Variants in NPR3 observed in about 807,000 individuals in gnomAD.
NPR3 encodes atrial natriuretic peptide receptor 3.
NPR3 carries 34 observed loss-of-function variants against 54.5 expected under a neutral mutation model. The observed-to-expected ratio is 0.62, with a 90% CI of 0.47 to 0.83. The LOEUF (loss-of-function observed/expected upper bound fraction) is 0.83. NPR3 is among the 40% of genes least tolerant of loss of function. The pLI, the probability that NPR3 is intolerant of heterozygous loss-of-function variation, is 0.00. For synonymous variants in NPR3, 289 were observed against 297.1 expected (o/e 0.97, Z 0.28); for missense variants, 674 against 720.8 (o/e 0.94, Z 0.74).
At chr5:32,720,733 C>T (rs1287889415) in intron 1 of NPR3, among the ~76,000 whole-genome samples, 1 of 152,078 alleles carries the variant, frequency 6.6e-6, no homozygotes, top group Non-Finnish European at 1.5e-5. Context: ...CTTAATTAAC[C>T]TCCACTTATG....
At chr5:32,714,509 T>C (rs1458522943) in intron 1 of NPR3, among the ~76,000 whole-genome samples, 1 of 151,914 alleles carries the variant, frequency 6.6e-6, no homozygotes, top group Non-Finnish European at 1.5e-5. Context: ...TCTTTGCTTT[T>C]TTTTTTTTTT....
intron 3 of NPR3, among the ~76,000 whole-genome samples, chr5:32,764,090 C>T (rs987162738): frequency 5.9e-5 from 9 of 152,180 alleles, no homozygotes; most frequent in Admixed American, 1.3e-4. Context: ...AACTCTCTTC[C>T]GCACAGAGGG....
intron 1 of NPR3, among the ~76,000 whole-genome samples, chr5:32,701,843 C>A (rs1737810405): frequency 6.6e-6 from 1 of 152,210 alleles, no homozygotes; most frequent in Non-Finnish European, 1.5e-5. Flanking sequence ...GGCAGAGACT[C>A]TTCTTCTCTT....
At chr5:32,719,122 T>A (rs1223665863) in intron 1 of NPR3, among the ~76,000 whole-genome samples, 1 of 152,220 alleles carries the variant, frequency 6.6e-6, no homozygotes, top group African/African-American at 2.4e-5. Flanking sequence ...ATGCAGTTTT[T>A]GTTGTTGGTT....
chr5:32,748,050 G>A (rs551793456), intron 3 of NPR3, among the ~76,000 whole-genome samples: 9 of 152,078 alleles, frequency 5.9e-5, no homozygotes, highest in Admixed American at 2.6e-4. Context: ...CATCATGCCC[G>A]GCAGGAAAAT....
intron 6 of NPR3, among the ~76,000 whole-genome samples, chr5:32,783,918 G>A (rs1465820863): frequency 2.0e-5 from 3 of 152,286 alleles, no homozygotes; most frequent in Non-Finnish European, 2.9e-5. Flanking sequence ...GAAGGGCCGC[G>A]TACTAAACTC....
At chr5:32,774,570 T>G (rs890989737) in intron 3 of NPR3, 138 bp from the exon 4 acceptor site, 1 of 694,500 alleles carries the variant, frequency 1.4e-6, no homozygotes, top group African/African-American at 1.8e-5. Flanking sequence ...GCGTGATTCT[T>G]GTCAGTACCC....
rs541154363 is a variant in NPR3, at chr5:32,761,415, T to C, written c.1060-13293T>C. The stretch of plus-strand genomic sequence containing the variant: ...CATTTCTGATTTTTAAAAAAAATAA[T>C]TTTTTGTCTTTTGCTGCTATTGGAC... On this transcript the variant is annotated intron_variant, in intron 3 of 7. Transcript: ENST00000265074. Among the ~76,000 whole-genome samples the C allele has an allele frequency of 1.2e-4, 18 of 152,274 alleles. No homozygotes were observed. In the South Asian group the frequency reaches 3.5e-3, roughly 30 times the overall value.
At chr5:32,695,430 G>A (rs1229538562) in intron 1 of NPR3, among the ~76,000 whole-genome samples, 2 of 151,918 alleles carry the variant, frequency 1.3e-5, no homozygotes, top group African/African-American at 2.4e-5. Flanking sequence ...ACGCCCGCCC[G>A]GCTAATTTTT....
chr5:32,715,767 T>G (rs1461344813), intron 1 of NPR3, among the ~76,000 whole-genome samples: 1 of 152,248 alleles, frequency 6.6e-6, no homozygotes, highest in African/African-American at 2.4e-5. Context: ...GCACTTTATA[T>G]GATGCAGAAC....
chr5:32,783,805 C>T (rs1239532874), intron 6 of NPR3, among the ~76,000 whole-genome samples: 2 of 152,136 alleles, frequency 1.3e-5, no homozygotes, highest in East Asian at 1.9e-4. Context: ...AGGAGTCTTC[C>T]TTCAGCTTTT....
At chr5:32,691,378 G>A (rs530027048) in intron 1 of NPR3, among the ~76,000 whole-genome samples, 26 of 152,334 alleles carry the variant, frequency 1.7e-4, no homozygotes, top group South Asian at 1.0e-3. Context: ...ATTATTCAAT[G>A]TATCACATGC....
At chr5:32,710,894 A>ATGTGTG (rs34939454), upstream of NPR3, 16,535 of 507,452 alleles carry the variant, frequency 0.033, 266 homozygotes, top group African/African-American at 0.083. Flanking sequence ...GTGTGTGTAT[A>ATGTGTG]TGTGTGTGTG....
chr5:32,788,576 T>G lies in NPR3; in HGVS notation c.*2231T>G, dbSNP rs1334371279. The G allele has an allele frequency of 6.6e-6, 1 of 152,246 alleles. No homozygotes were observed. Among genetic ancestry groups the G allele is most frequent in the Non-Finnish European group, 1.5e-5 (1 of 68,040 alleles). The allele number at this position is 152,246 out of a possible 1,614,324, so 9.4% of individuals were successfully genotyped here. A position where few individuals can be genotyped will look rare whatever the true frequency, so the allele number is the denominator to read the frequency against. ...TATTACAGGGGAAAAATAATCTACC[T>G]GGTTGCAGTCTTTGAGTATAAACAT... On this transcript the variant is annotated 3_prime_UTR_variant, in exon 8 of 8. Transcript: ENST00000265074.
chr5:32,780,316 A>G (rs1223170410), intron 4 of NPR3, among the ~76,000 whole-genome samples: 3 of 152,194 alleles, frequency 2.0e-5, no homozygotes, highest in African/African-American at 7.2e-5. Context: ...TGATTTTTCT[A>G]TTATAATGTT....
intron 2 of NPR3, among the ~76,000 whole-genome samples, chr5:32,731,503 T>C (rs772554907): frequency 2.0e-5 from 3 of 152,220 alleles, no homozygotes; most frequent in Non-Finnish European, 2.9e-5. Flanking sequence ...ACTTATCTTA[T>C]GGCATCAGAC....
At chr5:32,782,830 G>T (rs1367336513) in intron 5 of NPR3, 63 bp from the exon 6 acceptor site, 69 of 1,482,958 alleles carry the variant, frequency 4.7e-5, no homozygotes, top group Non-Finnish European at 5.5e-5. Flanking sequence ...GCTGTGGAAG[G>T]CTGCGAGCTT....
chr5:32,708,333 A>G (rs1194037740), upstream of NPR3, among the ~76,000 whole-genome samples: 1 of 152,110 alleles, frequency 6.6e-6, no homozygotes, highest in Non-Finnish European at 1.5e-5. Flanking sequence ...TAAATAAGTT[A>G]TTTCTATTTT....
rs377520653 is a variant in NPR3, at chr5:32,712,511, A to G, written c.735A>G (p.Glu245=). 1.3e-6 allele frequency: 2 copies of G among 1,543,870 alleles called. No homozygotes were observed. The change falls in exon 1 of 8, where the codon GAA becomes GAG. Residue 245 remains glutamate, a synonymous_variant. Coordinates refer to ENST00000265074, the MANE Select transcript of NPR3 (RefSeq NM_001204375.2). ...SFDETKDLDL[E]DIVRNIQASE... ...ACGAGACCAAAGACTTGGATCTGGA[A>G]GACATCGTGCGCAATATCCAGGCCA... is the stretch of plus-strand genomic sequence containing the variant.
Sources: allele counts gnomAD v4.1 joint callset (sites outside exome capture counted in the v4.1 genomes callset), GRCh38; gene constraint gnomAD v4.1.1; transcripts MANE v1.5; gene names NCBI Gene and HGNC (gene_info 2026-07-23, HGNC 2026-07-21).